The following SLC2A13 variants were observed in gnomAD, a reference collection of about 807,000 sequenced individuals.
SLC2A13 encodes the protein solute carrier family 2 member 13, also known as proton myo-inositol cotransporter.
In SLC2A13, 32 loss-of-function variants were observed where a neutral mutation model predicts 64.4. The observed-to-expected ratio is 0.50, with a 90% confidence interval of 0.37 to 0.67. The LOEUF (loss-of-function observed/expected upper bound fraction) is 0.67. Ranked by LOEUF, SLC2A13 falls within the 30% of genes least tolerant of loss-of-function variation. The pLI is 0.00. For missense variants in SLC2A13, 743 were observed against 829.2 expected (o/e 0.90, Z 1.28); for synonymous variants, 338 against 327.1 (o/e 1.03, Z -0.36).
At chr12:40,038,899 A>G (rs1948035335) in intron 2 of SLC2A13, among the ~76,000 whole-genome samples, 2 of 151,570 alleles carry the variant, frequency 1.3e-5, no homozygotes, top group South Asian at 4.2e-4. Flanking sequence ...CTGCTTTTTT[A>G]TAATCTTTTA....
chr12:40,042,449 A>C (rs1948104130), intron 2 of SLC2A13, among the ~76,000 whole-genome samples: 1 of 152,150 alleles, frequency 6.6e-6, no homozygotes, highest in Non-Finnish European at 1.5e-5. Context: ...TATTCTCTTG[A>C]AGGAGATAAA....
rs1402222295 is a variant in SLC2A13, at chr12:39,896,502, G to GTATATGTGTATA, written c.1035-24542_1035-24541insTATACACATATA. On this transcript the variant is annotated intron_variant, in intron 4 of 9. Transcript: ENST00000280871. ...TATGTGTATATATGTACACATATAT[G>GTATATGTGTATA]TATGTACATGTGTGTATACATGTAT... Among the ~76,000 whole-genome samples the GTATATGTGTATA allele has an allele frequency of 9.7e-5, 14 of 144,766 alleles. 1 individual carries two copies. The highest frequency in any genetic ancestry group is 3.6e-4 in the African/African-American group (14 of 39,410). 95.0% of individuals were successfully genotyped at this position (144,766 alleles called of 152,430 possible).
chr12:39,887,192 TTTGTC>T (rs1756072158), intron 4 of SLC2A13, among the ~76,000 whole-genome samples: 1 of 152,220 alleles, frequency 6.6e-6, no homozygotes, highest in Non-Finnish European at 1.5e-5. Context: ...GATAAAGTCT[TTTGTC>T]TAGTTTAGCA....
At chr12:40,071,824 T>C (rs2136270491) in intron 1 of SLC2A13, among the ~76,000 whole-genome samples, 1 of 152,274 alleles carries the variant, frequency 6.6e-6, no homozygotes, top group South Asian at 2.1e-4. Flanking sequence ...GTCTCTTTTT[T>C]TCTTAGCCTG....
chr12:40,054,568 T>C (rs1003993364), intron 1 of SLC2A13, among the ~76,000 whole-genome samples: 4 of 152,214 alleles, frequency 2.6e-5, no homozygotes, highest in Non-Finnish European at 5.9e-5. Context: ...TTATAAGATC[T>C]ACATCAATGA....
intron 4 of SLC2A13, among the ~76,000 whole-genome samples, chr12:39,920,770 C>T (rs938189279): frequency 3.3e-5 from 5 of 152,052 alleles, no homozygotes; most frequent in Non-Finnish European, 5.9e-5. Flanking sequence ...GGATTAAATA[C>T]GTCCATCTGT....
At chr12:39,806,377 C>G (rs1046214042) in intron 7 of SLC2A13, among the ~76,000 whole-genome samples, 1 of 152,170 alleles carries the variant, frequency 6.6e-6, no homozygotes, top group African/African-American at 2.4e-5. Context: ...AATCAATCAC[C>G]CTTTTTCACT....
intron 7 of SLC2A13, among the ~76,000 whole-genome samples, chr12:39,771,480 C>T (rs1321115264): frequency 6.6e-6 from 1 of 152,098 alleles, no homozygotes; most frequent in African/African-American, 2.4e-5. Flanking sequence ...AAGTCCTCAG[C>T]ACAAAACCAC....
chr12:39,895,901 C>CATATGTATATGCGTGTATATGCACACAT (rs1944798367), intron 4 of SLC2A13, among the ~76,000 whole-genome samples: 1 of 41,522 alleles, frequency 2.4e-5, no homozygotes, highest in African/African-American at 7.4e-5. Context: ...TATGCACACA[C>CATATGTATATGCGTGTATATGCACACAT]ATATGTATAT....
At chr12:40,075,846 C>T (rs1347730473) in intron 1 of SLC2A13, among the ~76,000 whole-genome samples, 1 of 152,000 alleles carries the variant, frequency 6.6e-6, no homozygotes, top group Non-Finnish European at 1.5e-5. Flanking sequence ...ATTTATCTGT[C>T]TTAAGTTCAC....
intron 1 of SLC2A13, among the ~76,000 whole-genome samples, chr12:40,101,310 T>C (rs891179512): frequency 1.3e-5 from 2 of 152,206 alleles, no homozygotes; most frequent in Non-Finnish European, 2.9e-5. Context: ...TGACTTCTGA[T>C]ACTTAAGGTC....
chr12:39,806,920 C>G (rs1282387670), intron 7 of SLC2A13, among the ~76,000 whole-genome samples: 2 of 152,036 alleles, frequency 1.3e-5, no homozygotes, highest in Non-Finnish European at 2.9e-5. Context: ...CTGACACATA[C>G]AACATGAATC....
chr12:39,786,386 G>GCCTCCCCAGCCATGATTCTGAGA (rs1217262739), intron 7 of SLC2A13, among the ~76,000 whole-genome samples: 1 of 152,202 alleles, frequency 6.6e-6, no homozygotes, highest in East Asian at 1.9e-4. Context: ...TGATTCTGAG[G>GCCTCCCCAGCCATGATTCTGAGA]CCTCCCCAGC....
At chr12:39,809,612 C>T (rs991888160) in intron 7 of SLC2A13, among the ~76,000 whole-genome samples, 6 of 152,212 alleles carry the variant, frequency 3.9e-5, no homozygotes, top group South Asian at 2.1e-4. Flanking sequence ...CCCATTAACT[C>T]GTCATTTAGC....
chr12:40,030,924 T>A (rs1438486011), intron 2 of SLC2A13, among the ~76,000 whole-genome samples: 1 of 152,236 alleles, frequency 6.6e-6, no homozygotes, highest in African/African-American at 2.4e-5. Context: ...AAGGAATTTG[T>A]ACCCTCCTGC....
chr12:40,079,477 G>T (rs1389309518), intron 1 of SLC2A13, among the ~76,000 whole-genome samples: 2 of 152,156 alleles, frequency 1.3e-5, no homozygotes, highest in African/African-American at 2.4e-5. Context: ...AAGACTGGTT[G>T]GTAGGGTTTT....
chr12:39,948,270 C>A (rs1206694053), intron 4 of SLC2A13, among the ~76,000 whole-genome samples: 1 of 151,812 alleles, frequency 6.6e-6, no homozygotes, highest in East Asian at 1.9e-4. Context: ...GTCCTCCATT[C>A]GGTAGGGTAG....
chr12:40,080,887 C>T (rs1938370303), intron 1 of SLC2A13, among the ~76,000 whole-genome samples: 1 of 152,156 alleles, frequency 6.6e-6, no homozygotes. Context: ...TCTTGTAAAG[C>T]AAGTGTGGTG....
At chr12:40,026,398 C>G (rs1487554033) in intron 3 of SLC2A13, among the ~76,000 whole-genome samples, 2 of 152,110 alleles carry the variant, frequency 1.3e-5, no homozygotes, top group Non-Finnish European at 2.9e-5. Flanking sequence ...CTATTTAGCT[C>G]CCAAAGACTT....
Sources: allele counts gnomAD v4.1 joint callset (sites outside exome capture counted in the v4.1 genomes callset), GRCh38; gene constraint gnomAD v4.1.1; transcripts MANE v1.5; gene names NCBI Gene and HGNC (gene_info 2026-07-23, HGNC 2026-07-21).